Variants in SPOCK1 observed in about 807,000 individuals in gnomAD.
SPOCK1 encodes the protein SPARC (osteonectin), cwcv and kazal like domains proteoglycan 1, also known as testican-1.
In SPOCK1, 23 loss-of-function variants were observed where a neutral mutation model predicts 55.3. That is an observed-to-expected ratio of 0.42 (90% CI 0.30 to 0.59). The LOEUF is 0.59. SPOCK1 is among the 20% of genes least tolerant of loss of function. The pLI, the probability that SPOCK1 is intolerant of heterozygous loss-of-function variation, is 0.22. For synonymous variants in SPOCK1, 226 were observed against 221.0 expected (o/e 1.02, Z -0.20); for missense variants, 499 against 552.5 (o/e 0.90, Z 0.97).
chr5:137,389,708 A>G (rs1377796529), intron 2 of SPOCK1, among the ~76,000 whole-genome samples: 3 of 152,226 alleles, frequency 2.0e-5, no homozygotes, highest in Non-Finnish European at 4.4e-5. Flanking sequence ...TGAGGAACAG[A>G]TCTGAATCAA....
intron 2 of SPOCK1, among the ~76,000 whole-genome samples, chr5:137,446,638 G>A (rs532212402): frequency 2.1e-4 from 32 of 152,256 alleles, no homozygotes; most frequent in African/African-American, 6.5e-4. Flanking sequence ...AACTAGAAAC[G>A]CGATGATTCT....
At position 136,992,618 on chromosome 5, in the gene SPOCK1, G is replaced by A; in HGVS notation, c.590-18C>T. 4.4e-6 allele frequency: 7 copies of A among 1,599,650 alleles called. No homozygotes were observed. Among genetic ancestry groups the A allele is most frequent in the Non-Finnish European group, 6.0e-6 (7 of 1,170,760 alleles). Reference sequence around the variant, plus strand: ...TGTGCAGGCTAGAGAAAAGCAAACAGAACAGACAATGGGGCTGGGGGCTTT... The same window carrying A: ...TGTGCAGGCTAGAGAAAAGCAAACAAAACAGACAATGGGGCTGGGGGCTTT... On this transcript the variant is annotated intron_variant, in intron 6 of 10. Transcript: ENST00000394945.
intron 2 of SPOCK1, among the ~76,000 whole-genome samples, chr5:137,301,311 C>T (rs1461184630): frequency 6.6e-6 from 1 of 152,170 alleles, no homozygotes; most frequent in Non-Finnish European, 1.5e-5. Context: ...ACCTATTTGT[C>T]ACTGATATTA....
At chr5:137,081,976 A>G (rs953813224) in intron 5 of SPOCK1, among the ~76,000 whole-genome samples, 1 of 152,206 alleles carries the variant, frequency 6.6e-6, no homozygotes, top group Non-Finnish European at 1.5e-5. Context: ...TTTCTGCAAC[A>G]TGTCTGATCT....
At chr5:137,207,309 C>G (rs115710172) in intron 3 of SPOCK1, among the ~76,000 whole-genome samples, 2,543 of 152,354 alleles carry the variant, frequency 0.017, 79 homozygotes, top group African/African-American at 0.057. Flanking sequence ...GGAGCCTTTT[C>G]AGTGGGGGGC....
rs147727129 is a variant in SPOCK1, at chr5:137,195,610, C to T, written c.233-54916G>A. ...TTGGCCACAGGCTACAGTAGGCCAGCCTTGAGCTTGGACTGCTGCCAATGT... is the reference window on the plus strand; with the variant it reads ...TTGGCCACAGGCTACAGTAGGCCAGTCTTGAGCTTGGACTGCTGCCAATGT... On this transcript the variant is annotated intron_variant, in intron 3 of 10. Transcript: ENST00000394945. Among the ~76,000 whole-genome samples, 1,149 of 152,294 alleles carry T rather than the reference C, an allele frequency of 7.5e-3. 15 individuals carry two copies. Among genetic ancestry groups the T allele is most frequent in the African/African-American group, 0.025 (1,058 of 41,552 alleles).
At chr5:137,482,877 A>G (rs1753979225) in intron 2 of SPOCK1, among the ~76,000 whole-genome samples, 1 of 152,204 alleles carries the variant, frequency 6.6e-6, no homozygotes, top group Non-Finnish European at 1.5e-5. Flanking sequence ...AAAATCAAAC[A>G]GGCTCTCTGA....
intron 6 of SPOCK1, among the ~76,000 whole-genome samples, chr5:136,996,194 A>C (rs539875950): frequency 1.8e-4 from 28 of 152,302 alleles, no homozygotes; most frequent in African/African-American, 6.0e-4. Flanking sequence ...CAGAGGATAC[A>C]TCCCACACAC....
intron 6 of SPOCK1, among the ~76,000 whole-genome samples, chr5:137,018,466 C>A (rs74952893): frequency 1.3e-3 from 198 of 152,294 alleles, no homozygotes; most frequent in African/African-American, 4.7e-3. Flanking sequence ...CTTGTCCCCT[C>A]CCTCAGGTAT....
At chr5:137,187,404 T>C (rs1270144516) in intron 3 of SPOCK1, among the ~76,000 whole-genome samples, 2 of 152,190 alleles carry the variant, frequency 1.3e-5, no homozygotes, top group African/African-American at 4.8e-5. Flanking sequence ...AACTTAGTCA[T>C]TTAGAGTGTT....
intron 4 of SPOCK1, among the ~76,000 whole-genome samples, chr5:137,121,978 T>A (rs1753695038): frequency 6.7e-6 from 1 of 149,898 alleles, no homozygotes; most frequent in South Asian, 2.1e-4. Context: ...TGTCCAAGGA[T>A]ACTAGTCAAA....
intron 3 of SPOCK1, among the ~76,000 whole-genome samples, chr5:137,165,912 C>G (rs1754639897): frequency 6.6e-6 from 1 of 151,792 alleles, no homozygotes; most frequent in Non-Finnish European, 1.5e-5. Context: ...CATAAAAGAT[C>G]TAAAAAAAAT....
chr5:137,156,557 G>A (rs545271769), intron 3 of SPOCK1, among the ~76,000 whole-genome samples: 1 of 152,182 alleles, frequency 6.6e-6, no homozygotes, highest in South Asian at 2.1e-4. Flanking sequence ...CATGCAGAGA[G>A]TTTCGCTGAG....
chr5:137,289,511 A>G (rs1757328169), intron 2 of SPOCK1, among the ~76,000 whole-genome samples: 1 of 152,208 alleles, frequency 6.6e-6, no homozygotes, highest in African/African-American at 2.4e-5. Flanking sequence ...CTTTTTTATC[A>G]TAAAGAAGCA....
chr5:137,304,497 G>C (rs979641454), intron 2 of SPOCK1, among the ~76,000 whole-genome samples: 11 of 152,124 alleles, frequency 7.2e-5, no homozygotes, highest in Non-Finnish European at 1.2e-4. Context: ...CGGGGCGGGG[G>C]GACAGGAACT....
intron 2 of SPOCK1, among the ~76,000 whole-genome samples, chr5:137,404,326 T>A (rs1486265533): frequency 6.6e-6 from 1 of 152,098 alleles, no homozygotes; most frequent in Non-Finnish European, 1.5e-5. Context: ...TCCCAAAGAA[T>A]CAGGCAATCC....
intron 6 of SPOCK1, among the ~76,000 whole-genome samples, chr5:137,028,095 C>G (rs1255247544): frequency 6.6e-6 from 1 of 152,224 alleles, no homozygotes; most frequent in Non-Finnish European, 1.5e-5. Flanking sequence ...TTGTGCTCCA[C>G]TCTTTAAGTC....
intron 2 of SPOCK1, among the ~76,000 whole-genome samples, chr5:137,306,944 C>T (rs1261183319): frequency 6.6e-6 from 1 of 152,210 alleles, no homozygotes. Flanking sequence ...TTACTGCTCT[C>T]TCTGGAAAAT....
chr5:137,361,429 G>A (rs1378881133), intron 2 of SPOCK1, among the ~76,000 whole-genome samples: 1 of 152,192 alleles, frequency 6.6e-6, no homozygotes, highest in Non-Finnish European at 1.5e-5. Flanking sequence ...AGGCACTAAG[G>A]AAATATCTGT....
Sources: gnomAD v4.1 joint callset for allele counts (sites outside exome capture counted in the v4.1 genomes callset) on GRCh38, gnomAD v4.1.1 for gene constraint, MANE v1.5 for transcripts, NCBI Gene and HGNC (gene_info 2026-07-23, HGNC 2026-07-21) for gene names.